PCDHGA5: variants seen among roughly 807,000 people sequenced by gnomAD.
PCDHGA5 encodes protocadherin gamma subfamily A, 5.
In PCDHGA5, 36 loss-of-function variants were observed where a neutral mutation model predicts 56.7. That is an observed-to-expected ratio of 0.64 (90% confidence interval 0.49 to 0.84). PCDHGA5 has a LOEUF of 0.84. Among genes scored for constraint, PCDHGA5 ranks in the 40% least tolerant of loss-of-function variants. PCDHGA5 has a pLI of 0.00. For synonymous variants in PCDHGA5, 563 were observed against 520.2 expected, an observed-to-expected ratio of 1.08 and a Z score of -1.12; for missense variants, 1,305 against 1,201.5, an observed-to-expected ratio of 1.09 and a Z score of -1.27.
intron 1 of PCDHGA5, among the ~76,000 whole-genome samples, chr5:141,438,621 TATATATATATATATAC>T (rs1472935962): frequency 0.016 from 652 of 41,356 alleles, 15 homozygotes; most frequent in East Asian, 0.15. Flanking sequence ...TATATATATA[TATATATATATATATAC>T]ACACACACAC....
At chr5:141,374,155 G>C in intron 1 of PCDHGA5, 1 of 1,612,144 alleles carries the variant, frequency 6.2e-7, no homozygotes, top group Non-Finnish European at 8.5e-7. Flanking sequence ...GGACGCTGTG[G>C]GGGGCCGCGG....
At chr5:141,383,731 A>C (rs373290954) in intron 1 of PCDHGA5, 4 of 1,613,882 alleles carry the variant, frequency 2.5e-6, no homozygotes, top group Non-Finnish European at 3.4e-6. Context: ...TGGGGAAGTG[A>C]CATATTCTTT....
Position 141,366,223 on chromosome 5 carries a change from C to A in PCDHGA5, c.1893C>A (p.Ala631=). 17 of 1,613,836 alleles carry A rather than the reference C, an allele frequency of 1.1e-5. No homozygotes were observed. Among genetic ancestry groups the A allele is most frequent in the Non-Finnish European group, 1.4e-5 (17 of 1,180,042 alleles). ...CGGGCGAGGTGCGCACAGCGCGAGC[C>A]CTGCTGGACAGAGACGCGCTCAAGC... ...LHTGEVRTAR[A]LLDRDALKQS... Residue 631 remains alanine (A), a synonymous_variant, in exon 1 of 4, where the codon GCC becomes GCA. Transcript: ENST00000518069.
chr5:141,469,618 T>C (rs1284372508), intron 1 of PCDHGA5, among the ~76,000 whole-genome samples: 1 of 152,148 alleles, frequency 6.6e-6, no homozygotes, highest in Non-Finnish European at 1.5e-5. Context: ...ATAAAATAAA[T>C]GTTTGTAGTT....
intron 1 of PCDHGA5, among the ~76,000 whole-genome samples, chr5:141,454,881 C>G (rs2098805859): frequency 7.4e-6 from 1 of 135,536 alleles, no homozygotes; most frequent in African/African-American, 2.8e-5. Flanking sequence ...GATCTTGGCT[C>G]ACTGCTAGCA....
At chr5:141,492,068 G>A in intron 1 of PCDHGA5, 1 of 479,628 alleles carries the variant, frequency 2.1e-6, no homozygotes, top group Non-Finnish European at 3.7e-6. Flanking sequence ...AGCCTCCTAG[G>A]CGCCGGCTCC....
chr5:141,419,945 T>TTGGCCTTGATTTCTG (rs1205104698), intron 1 of PCDHGA5: 6 of 1,613,970 alleles, frequency 3.7e-6, no homozygotes, highest in Non-Finnish European at 4.2e-6. Flanking sequence ...GGTGGTGGCC[T>TTGGCCTTGATTTCTG]TGGCCTTGAT....
intron 1 of PCDHGA5, among the ~76,000 whole-genome samples, chr5:141,436,389 TTAAA>T (rs1385837876): frequency 6.6e-6 from 1 of 152,212 alleles, no homozygotes; most frequent in Non-Finnish European, 1.5e-5. Context: ...ATAGGCTTTA[TTAAA>T]TAGTTGTTGA....
At chr5:141,421,675 G>A in intron 1 of PCDHGA5, 2 of 1,613,910 alleles carry the variant, frequency 1.2e-6, no homozygotes, top group Non-Finnish European at 1.7e-6. Context: ...CGCAATTCCT[G>A]GGGCGCGATT....
intron 1 of PCDHGA5, chr5:141,376,579 T>C: frequency 6.3e-7 from 1 of 1,590,894 alleles, no homozygotes; most frequent in Non-Finnish European, 8.6e-7. Context: ...GACAGGCTCA[T>C]CAGCTAGATC....
chr5:141,393,350 C>T (rs775303289), intron 1 of PCDHGA5: 25 of 1,613,840 alleles, frequency 1.5e-5, no homozygotes, highest in Non-Finnish European at 1.9e-5. Flanking sequence ...ACCACTTCTC[C>T]CTGGACGTGC....
intron 1 of PCDHGA5, chr5:141,372,410 A>C: frequency 6.2e-7 from 1 of 1,613,980 alleles, no homozygotes; most frequent in South Asian, 1.1e-5. Context: ...AAGAGATACA[A>C]CCTGACCTTA....
At chr5:141,422,849 C>T in intron 1 of PCDHGA5, 1 of 1,614,238 alleles carries the variant, frequency 6.2e-7, no homozygotes, top group Non-Finnish European at 8.5e-7. Context: ...AGCGGGGACC[C>T]GCCCCTCAGC....
At position 141,366,516 on chromosome 5, in the gene PCDHGA5, G is replaced by A. The variant is rs1198130864; in HGVS notation, c.2186G>A (p.Gly729Asp). Residue 729 changes from glycine (G) to aspartate (D), a missense_variant, in exon 1 of 4, where the codon GGC becomes GAC. Transcript: ENST00000518069. ...WHKSRLLQAEGSRLAGVPASH... is the reference protein window; with the variant it reads ...WHKSRLLQAEDSRLAGVPASH... ...AAGTCACGCCTGCTTCAGGCTGAAG[G>A]CAGCAGGTTGGCGGGTGTGCCCGCC... 2 of 1,614,274 alleles carry A rather than the reference G, an allele frequency of 1.2e-6. No homozygotes were observed. Among genetic ancestry groups the A allele is most frequent in the East Asian group, 2.2e-5 (1 of 44,892 alleles).
intron 1 of PCDHGA5, chr5:141,399,563 T>G: frequency 6.2e-7 from 1 of 1,614,054 alleles, no homozygotes; most frequent in Non-Finnish European, 8.5e-7. Flanking sequence ...GACTTGGGGT[T>G]GAACGGCCAA....
At chr5:141,398,009 C>A (rs1589315775) in intron 1 of PCDHGA5, 6 of 1,400,558 alleles carry the variant, frequency 4.3e-6, no homozygotes, top group East Asian at 5.1e-5. Flanking sequence ...GAAAAAGAAT[C>A]GTTTCCTAAA....
At chr5:141,425,069 A>C (rs771114613) in intron 1 of PCDHGA5, among the ~76,000 whole-genome samples, 30 of 152,170 alleles carry the variant, frequency 2.0e-4, no homozygotes, top group Non-Finnish European at 4.1e-4. Context: ...GACAAAAATA[A>C]TTTCAACTGT....
At chr5:141,457,167 C>T (rs1465212183) in intron 1 of PCDHGA5, among the ~76,000 whole-genome samples, 1 of 152,114 alleles carries the variant, frequency 6.6e-6, no homozygotes, top group East Asian at 1.9e-4. Context: ...CATGGATAAC[C>T]CTATTGCAAA....
At position 141,398,826 on chromosome 5, in the gene PCDHGA5, C is replaced by T. The variant is rs755219133; in HGVS notation, c.2421+32075C>T. On this transcript the variant is annotated intron_variant, in intron 1 of 3. Coordinates refer to ENST00000518069, the MANE Select transcript of PCDHGA5 (RefSeq NM_018918.3). ...CCACTGAGCTCCGGATCCAGGTAACCGACGCCAATGATAATCCCCCGGTAT... is the reference window on the plus strand; with the variant it reads ...CCACTGAGCTCCGGATCCAGGTAACTGACGCCAATGATAATCCCCCGGTAT... 81 of 1,613,942 alleles carry T rather than the reference C, an allele frequency of 5.0e-5. 1 individual carries two copies. In the South Asian group the frequency reaches 7.7e-4, roughly 15 times the overall value.
Sources: allele counts gnomAD v4.1 joint callset (sites outside exome capture counted in the v4.1 genomes callset), GRCh38; gene constraint gnomAD v4.1.1; transcripts MANE v1.5; gene names NCBI Gene and HGNC (gene_info 2026-07-23, HGNC 2026-07-21).